Variants in PCDHA6 observed in about 807,000 individuals in gnomAD.
PCDHA6 encodes protocadherin alpha 6.
A neutral mutation model predicts 60.3 loss-of-function variants in PCDHA6; 55 were observed. That is an observed-to-expected ratio of 0.91 (90% CI 0.73 to 1.14). The LOEUF is 1.14. Among genes scored for constraint, PCDHA6 ranks in the 50% most tolerant of loss-of-function variants. PCDHA6 has a pLI of 0.00. For missense variants in PCDHA6, 1,327 were observed against 1,256.5 expected (o/e 1.06, Z -0.85); for synonymous variants, 652 against 557.9 (o/e 1.17, Z -2.38).
intron 1 of PCDHA6, among the ~76,000 whole-genome samples, chr5:140,931,986 C>G (rs562622204): frequency 2.0e-4 from 30 of 151,912 alleles, no homozygotes; most frequent in African/African-American, 7.0e-4. Flanking sequence ...ATATTTTGCT[C>G]AAATTCTAAG....
At chr5:140,947,451 A>G (rs2094135983) in intron 1 of PCDHA6, among the ~76,000 whole-genome samples, 1 of 151,658 alleles carries the variant, frequency 6.6e-6, no homozygotes, top group Non-Finnish European at 1.5e-5. Context: ...GAAATCCTCC[A>G]ACCTTGTTCT....
chr5:140,929,020 A>C (rs1183262810), intron 1 of PCDHA6: 6 of 1,614,070 alleles, frequency 3.7e-6, no homozygotes, highest in Non-Finnish European at 5.1e-6. Flanking sequence ...GTTGCACCAG[A>C]GCCCAGGCTG....
intron 1 of PCDHA6, chr5:140,875,618 C>T (rs1554167806): frequency 3.1e-6 from 5 of 1,613,806 alleles, no homozygotes; most frequent in Non-Finnish European, 3.4e-6. Context: ...GGCCGCATCG[C>T]TCAGGACCTG....
chr5:140,895,136 A>G (rs781801401), intron 1 of PCDHA6, among the ~76,000 whole-genome samples: 43 of 152,306 alleles, frequency 2.8e-4, no homozygotes, highest in Non-Finnish European at 5.6e-4. Context: ...ACAAGTTCAT[A>G]GGGCTAAGAC....
Position 140,928,590 on chromosome 5 carries a change from A to G in PCDHA6, c.2395-50359A>G, listed in dbSNP as rs78699363. The G allele has an allele frequency of 6.8e-4, 1,101 of 1,614,224 alleles. 1 individual carries two copies. Among genetic ancestry groups the G allele is most frequent in the Non-Finnish European group, 8.8e-4 (1,041 of 1,180,028 alleles). On this transcript the variant is annotated intron_variant, in intron 1 of 3. Coordinates refer to ENST00000529310, the MANE Select transcript of PCDHA6 (RefSeq NM_018909.4). ...CCTTGCCCAGAAATGGTTCTGTCCC[A>G]GTGGAAATTGTGCCCCGCTCTGCCA...
Position 140,834,561 on chromosome 5 carries a change from G to A in PCDHA6, c.2394+4076G>A, listed in dbSNP as rs2150221029. ...CCTGGGGCTGGAGCTGGCGGAGCTG[G>A]TGCCGCGCCTGTTCCGGGCGGTGTG... On this transcript the variant is annotated intron_variant, in intron 1 of 3. Coordinates refer to ENST00000529310, the MANE Select transcript of PCDHA6 (RefSeq NM_018909.4). 3.5e-5 allele frequency: 56 copies of A among 1,614,112 alleles called. No homozygotes were observed. Among genetic ancestry groups the A allele is most frequent in the Admixed American group, 1.5e-4 (9 of 60,010 alleles).
At position 140,850,786 on chromosome 5, in the gene PCDHA6, A is replaced by C. The variant is rs2150498536; in HGVS notation, c.2394+20301A>C. 0.62 allele frequency: 994,890 copies of C among 1,596,700 alleles called. 342,727 individuals are homozygous for C. The highest frequency in any genetic ancestry group is 0.72 in the African/African-American group (53,217 of 73,966). The stretch of plus-strand genomic sequence containing the variant: ...CAGAGGGTGTGCTCTGGCGAGGGTA[A>C]GCAGAAGACCGACCTCATGGCCTTC... On this transcript the variant is annotated intron_variant, in intron 1 of 3. Transcript: ENST00000529310.
intron 1 of PCDHA6, chr5:140,967,846 C>A: frequency 6.2e-7 from 1 of 1,614,166 alleles, no homozygotes; most frequent in Non-Finnish European, 8.5e-7. Context: ...ACGTGAATGA[C>A]AATGCCCCAG....
intron 1 of PCDHA6, chr5:140,869,935 A>T: frequency 1.2e-6 from 2 of 1,612,050 alleles, no homozygotes; most frequent in Admixed American, 1.7e-5. Flanking sequence ...TGGAGAGGTA[A>T]CATACTCCTT....
rs534595431 is a variant in PCDHA6 at position 140,908,278 on chromosome 5, TG to T, written c.2395-70670del. On this transcript the variant is annotated intron_variant, in intron 1 of 3. Coordinates refer to ENST00000529310, the MANE Select transcript of PCDHA6 (RefSeq NM_018909.4). Reference sequence around the variant, plus strand: ...CATAGGGAACTCCCCATGAGGCCATTGTTGCAAGCTGGGGAAGAGAAGGAAG... The same window carrying T: ...CATAGGGAACTCCCCATGAGGCCATTTTGCAAGCTGGGGAAGAGAAGGAAG... Among the ~76,000 whole-genome samples the T allele has an allele frequency of 1.3e-3, 196 of 152,290 alleles. 1 individual carries two copies. Among genetic ancestry groups the T allele is most frequent in the African/African-American group, 4.6e-3 (191 of 41,570 alleles).
At chr5:140,876,223 T>C (rs2056212607) in intron 1 of PCDHA6, 2 of 1,613,782 alleles carry the variant, frequency 1.2e-6, no homozygotes, top group Non-Finnish European at 1.7e-6. Flanking sequence ...TAAAGTAGTG[T>C]TGTCTGAAAA....
At chr5:140,929,175 A>G (rs1554206790) in intron 1 of PCDHA6, 2 of 1,614,126 alleles carry the variant, frequency 1.2e-6, no homozygotes, top group East Asian at 4.5e-5. Flanking sequence ...CCTCTCTGGG[A>G]CTTGGTTCTG....
At chr5:140,861,440 C>T (rs575320775) in intron 1 of PCDHA6, 3 of 493,406 alleles carry the variant, frequency 6.1e-6, no homozygotes, top group South Asian at 4.7e-5. Context: ...ATTCCAAAAG[C>T]CGCAGAAACC....
intron 1 of PCDHA6, chr5:140,870,380 C>T (rs373356425): frequency 1.3e-5 from 21 of 1,614,064 alleles, no homozygotes; most frequent in East Asian, 2.2e-5. Flanking sequence ...GTGGTGACTG[C>T]GCGGGATGGG....
intron 1 of PCDHA6, among the ~76,000 whole-genome samples, chr5:140,839,137 C>T (rs1175514541): frequency 6.8e-6 from 1 of 146,496 alleles, no homozygotes; most frequent in Non-Finnish European, 1.5e-5. Context: ...TTCACATAAG[C>T]AGACCAAGTT....
intron 1 of PCDHA6, chr5:140,966,695 C>G: frequency 7.4e-7 from 1 of 1,358,486 alleles, no homozygotes; most frequent in Non-Finnish European, 9.5e-7. Flanking sequence ...AGGCGGGGCC[C>G]GGGCGTGGGG....
chr5:140,870,447 C>T (rs1554164277), intron 1 of PCDHA6: 15 of 1,614,216 alleles, frequency 9.3e-6, no homozygotes, highest in Non-Finnish European at 9.3e-6. Flanking sequence ...CCGACGTGAA[C>T]GACAATGCGC....
At chr5:140,958,995 T>G (rs868959473) in intron 1 of PCDHA6, among the ~76,000 whole-genome samples, 1 of 152,148 alleles carries the variant, frequency 6.6e-6, no homozygotes, top group African/African-American at 2.4e-5. Flanking sequence ...TGCTAATCTT[T>G]TACTGTACCT....
chr5:140,932,966 G>C (rs2088764912), intron 1 of PCDHA6, among the ~76,000 whole-genome samples: 1 of 151,942 alleles, frequency 6.6e-6, no homozygotes, highest in South Asian at 2.1e-4. Context: ...TTGCTGAAAG[G>C]TTTTTACAAT....
Sources: gnomAD v4.1 joint callset for allele counts (sites outside exome capture counted in the v4.1 genomes callset) on GRCh38, gnomAD v4.1.1 for gene constraint, MANE v1.5 for transcripts, NCBI Gene and HGNC (gene_info 2026-07-23, HGNC 2026-07-21) for gene names.